Variants in TTC6 observed in about 807,000 individuals in gnomAD.
TTC6 encodes tetratricopeptide repeat protein 6.
Under a neutral mutation model 210.4 loss-of-function variants are expected in TTC6, and 172 were observed. The ratio of observed to expected loss-of-function variants is 0.82; its 90% CI spans 0.72 to 0.93. The LOEUF is 0.93. TTC6 is among the 40% of genes least tolerant of loss of function. The pLI is 0.00. For missense variants in TTC6, 2,414 were observed against 2,318.1 expected, an observed-to-expected ratio of 1.04 and a Z score of -0.85; for synonymous variants, 804 against 819.6, an observed-to-expected ratio of 0.98 and a Z score of 0.32.
In TTC6 at chr14:37,755,728, C is replaced by A. The variant is rs61977120; in HGVS notation, c.3266+2493C>A. Among the ~76,000 whole-genome samples, 691 of 152,174 alleles carry A rather than the reference C, an allele frequency of 4.5e-3. 9 individuals carry two copies. The highest frequency in any genetic ancestry group is 0.016 in the African/African-American group (657 of 41,532). ...TTGGTCTCTGTATCTGTTTTGATAC[C>A]AGAACCATGCTGTTTTGGTTACTGT... On this transcript the variant is annotated intron_variant, in intron 14 of 30. Coordinates refer to ENST00000553443, the Ensembl canonical transcript of TTC6.
chr14:37,688,416 C>T lies in TTC6; in HGVS notation c.1257+5452C>T, dbSNP rs767899909. 3.9e-5 allele frequency among the ~76,000 whole-genome samples: 6 copies of T among 152,200 alleles called. No individual in the cohort carries two copies. The East Asian group carries it at 1.2e-3, about 30-fold the overall frequency. ...CTGGCTGGTTTTGCCACCTGCTGAT[C>T]GTAGAGCTCTAGGTCTTTGAGCAAA... On this transcript the variant is annotated intron_variant, in intron 3 of 30. Coordinates refer to ENST00000553443, the Ensembl canonical transcript of TTC6.
chr14:37,702,582 A>G (rs1484766589), intron 5 of TTC6, among the ~76,000 whole-genome samples: 1 of 152,174 alleles, frequency 6.6e-6, no homozygotes, highest in Non-Finnish European at 1.5e-5. Flanking sequence ...AATGTACTGC[A>G]TGTTTTAAGA....
At chr14:37,755,571 G>A (rs2095965074) in intron 14 of TTC6, among the ~76,000 whole-genome samples, 1 of 152,120 alleles carries the variant, frequency 6.6e-6, no homozygotes, top group South Asian at 2.1e-4. Context: ...TGTAAGGAAG[G>A]GGTCCAGTTT....
intron 26 of TTC6, among the ~76,000 whole-genome samples, chr14:37,822,258 AG>A (rs2096159674): frequency 6.6e-6 from 1 of 152,220 alleles, no homozygotes; most frequent in African/African-American, 2.4e-5. Context: ...AATATAGTTA[AG>A]TAAAAAAAGT....
intron 29 of TTC6, among the ~76,000 whole-genome samples, chr14:37,837,917 G>A (rs1269260953): frequency 6.6e-6 from 1 of 152,130 alleles, no homozygotes; most frequent in African/African-American, 2.4e-5. Context: ...TTTTAAGAAG[G>A]AAGGAGAGAC....
In TTC6 at chr14:37,698,292, T is replaced by C. The variant is rs146376265; in HGVS notation, c.1376+1457T>C. Among the ~76,000 whole-genome samples, 374 of 152,324 alleles carry C rather than the reference T, an allele frequency of 2.5e-3. 2 individuals are homozygous for C. Among genetic ancestry groups the C allele is most frequent in the African/African-American group, 8.3e-3 (347 of 41,578 alleles). ...TTCAAACATCTATTGCAGCATATTG[T>C]TATTTAGGTAAATAACCAAGGGAAA... On this transcript the variant is annotated intron_variant, in intron 4 of 30. Coordinates refer to ENST00000553443, the Ensembl canonical transcript of TTC6.
At chr14:37,736,133 C>A in intron 8 of TTC6, 123 bp downstream of exon 10, 1 of 595,192 alleles carries the variant, frequency 1.7e-6, no homozygotes, top group Non-Finnish European at 2.9e-6. Context: ...TGTCTGTAAT[C>A]CCGGCATTTT....
In TTC6 at chr14:37,625,158, AG is replaced by A. The variant is rs1391805701; in HGVS notation, c.939+2156del. ...AGAAGATAGAGCTTGCATTTCTTAA[AG>A]TAAAAGTGGCTTCAGAAGTTTTATT... On this transcript the variant is annotated intron_variant, in intron 1 of 30. Coordinates refer to ENST00000553443, the Ensembl canonical transcript of TTC6. Among the ~76,000 whole-genome samples the A allele has an allele frequency of 3.3e-5, 5 of 152,286 alleles. No individual in the cohort carries two copies. In the South Asian group the frequency reaches 6.2e-4, roughly 19 times the overall value.
intron 1 of TTC6, among the ~76,000 whole-genome samples, chr14:37,668,726 C>T (rs144573472): frequency 2.6e-4 from 39 of 152,208 alleles, no homozygotes; most frequent in African/African-American, 9.4e-4. Context: ...AAGGTGTGGA[C>T]AGAGTGAGAG....
intron 1 of TTC6, among the ~76,000 whole-genome samples, chr14:37,602,905 C>T (rs764926808): frequency 1.3e-5 from 2 of 152,092 alleles, no homozygotes; most frequent in African/African-American, 2.4e-5. Flanking sequence ...TGGCCTCCTC[C>T]CGCCAAAATA....
chr14:37,738,110 AT>A (rs1182908927), intron 9 of TTC6, among the ~76,000 whole-genome samples: 2 of 151,378 alleles, frequency 1.3e-5, no homozygotes, highest in African/African-American at 4.8e-5. Flanking sequence ...ATTTAAAGTA[AT>A]TTATCTTGTG....
At chr14:37,707,160 CCTA>C (rs904239101) in intron 5 of TTC6, among the ~76,000 whole-genome samples, 2 of 151,934 alleles carry the variant, frequency 1.3e-5, no homozygotes, top group Non-Finnish European at 2.9e-5. Context: ...ATATTTTTCT[CCTA>C]CTCATCTTGA....
At chr14:37,731,532 C>G (rs1188223317) in intron 7 of TTC6, among the ~76,000 whole-genome samples, 1 of 152,152 alleles carries the variant, frequency 6.6e-6, no homozygotes, top group Non-Finnish European at 1.5e-5. Context: ...AAATCTGCCA[C>G]TGTGGTGTAG....
chr14:37,806,182 C>G (rs2139411489), intron 21 of TTC6, among the ~76,000 whole-genome samples, 179 bp from the exon 24 acceptor site: 1 of 152,232 alleles, frequency 6.6e-6, no homozygotes, highest in African/African-American at 2.4e-5. Flanking sequence ...ATCAACCCTA[C>G]TTGTTTCTAA....
At chr14:37,733,682 T>G (rs1248884729) in intron 7 of TTC6, among the ~76,000 whole-genome samples, 1 of 152,180 alleles carries the variant, frequency 6.6e-6, no homozygotes, top group Non-Finnish European at 1.5e-5. Context: ...CTATGATGTG[T>G]CTAGGTGTGT....
intron 10 of TTC6, among the ~76,000 whole-genome samples, chr14:37,742,476 C>T (rs995433068): frequency 1.3e-5 from 2 of 151,782 alleles, no homozygotes; most frequent in African/African-American, 4.8e-5. Context: ...ATGGTGTGAT[C>T]TTGGCTCACT....
At chr14:37,702,138 A>G (rs1003239791) in intron 5 of TTC6, among the ~76,000 whole-genome samples, 1 of 152,188 alleles carries the variant, frequency 6.6e-6, no homozygotes, top group African/African-American at 2.4e-5. Context: ...TGTGCTTTGC[A>G]TATGTTTCCT....
chr14:37,798,026 C>T (rs2096096649), intron 20 of TTC6, among the ~76,000 whole-genome samples: 1 of 152,042 alleles, frequency 6.6e-6, no homozygotes, highest in South Asian at 2.1e-4. Context: ...CTATTACTGG[C>T]CCAGCAGTAC....
chr14:37,732,411 C>T (rs1438543107), intron 7 of TTC6, among the ~76,000 whole-genome samples: 2 of 151,602 alleles, frequency 1.3e-5, no homozygotes, highest in Admixed American at 6.6e-5. Flanking sequence ...TGTCGATCTC[C>T]TGACCTCGTG....
Sources: gnomAD v4.1 joint callset for allele counts (sites outside exome capture counted in the v4.1 genomes callset) on GRCh38, gnomAD v4.1.1 for gene constraint, MANE v1.5 for transcripts, NCBI Gene and HGNC (gene_info 2026-07-23, HGNC 2026-07-21) for gene names.